ADCY5: variants seen among roughly 807,000 people sequenced by gnomAD.
The protein encoded by ADCY5 is adenylate cyclase 5, also known as adenylate cyclase type 5.
A neutral mutation model predicts 119.7 loss-of-function variants in ADCY5; 30 were observed. The observed-to-expected ratio is 0.25, with a 90% CI of 0.19 to 0.34. The LOEUF is 0.34. Ranked by LOEUF, ADCY5 falls within the 10% of genes least tolerant of loss-of-function variation. ADCY5 has a pLI of 1.00. For missense variants in ADCY5, 1,324 were observed against 1,775.2 expected (o/e 0.75, Z 4.57); for synonymous variants, 753 against 762.2 (o/e 0.99, Z 0.20).
In ADCY5 at chr3:123,403,868, G is replaced by A. The variant is rs572864723; in HGVS notation, c.1134+43544C>T. Among the ~76,000 whole-genome samples, 18 of 152,206 alleles carry A rather than the reference G, an allele frequency of 1.2e-4. No homozygotes were observed. In the South Asian group the frequency reaches 3.7e-3, roughly 32 times the overall value. On this transcript the variant is annotated intron_variant, in intron 1 of 20. Coordinates refer to ENST00000462833, the MANE Select transcript of ADCY5 (RefSeq NM_183357.3). ...TGGCTCTCAATCTCATCCCTCTCTG[G>A]AATCCATATCCATCCTCTGGACCTT... is the stretch of plus-strand genomic sequence containing the variant.
intron 1 of ADCY5, among the ~76,000 whole-genome samples, chr3:123,434,403 T>C (rs769295656): frequency 1.3e-5 from 2 of 152,110 alleles, no homozygotes; most frequent in Non-Finnish European, 2.9e-5. Flanking sequence ...CCCCAGTGTA[T>C]ACAGGAGAGA....
chr3:123,311,181 C>G (rs1219634818), intron 12 of ADCY5, among the ~76,000 whole-genome samples: 1 of 152,250 alleles, frequency 6.6e-6, no homozygotes, highest in East Asian at 1.9e-4. Flanking sequence ...CAAAGCCACT[C>G]TCCGTGACTT....
intron 1 of ADCY5, among the ~76,000 whole-genome samples, chr3:123,361,290 T>TTACTCTAGTGTAGCTTCCC (rs1943237075): frequency 6.6e-6 from 1 of 152,196 alleles, no homozygotes; most frequent in African/African-American, 2.4e-5. Flanking sequence ...AAGCCAAGTC[T>TTACTCTAGTGTAGCTTCCC]TACTCTAGTG....
In ADCY5 at chr3:123,286,949, C is replaced by T. The variant is rs1055966244; in HGVS notation, c.3533-140G>A. On this transcript the variant is annotated intron_variant, in intron 19 of 20. Transcript: ENST00000462833. The surrounding 1 kb of genome is among the most constrained non-coding windows in gnomAD (Gnocchi z 4.2). The stretch of plus-strand genomic sequence containing the variant: ...TTCCAGGCCCAAGGCTGTGCTAAAC[C>T]CTGCAGCCTCCCGCTACCCTGCTCC... 1.4e-4 allele frequency: 168 copies of T among 1,159,328 alleles called. No homozygotes were observed. The highest frequency in any genetic ancestry group is 2.0e-4 in the Non-Finnish European group (167 of 854,708). The allele number at this position is 1,159,328 out of a possible 1,614,324, so 71.8% of individuals were successfully genotyped here. A position where few individuals can be genotyped will look rare whatever the true frequency, so the allele number is the denominator to read the frequency against.
intron 1 of ADCY5, among the ~76,000 whole-genome samples, chr3:123,430,464 G>A (rs7429097): frequency 6.6e-6 from 1 of 152,146 alleles, no homozygotes; most frequent in African/African-American, 2.4e-5. Context: ...AAATCACCCC[G>A]AGGCCTCGGA....
chr3:123,354,139 T>C (rs1410810389), intron 1 of ADCY5, among the ~76,000 whole-genome samples: 1 of 152,214 alleles, frequency 6.6e-6, no homozygotes, highest in Non-Finnish European at 1.5e-5. Context: ...ACACATGGCA[T>C]AGGAAAAGCC....
intron 15 of ADCY5, among the ~76,000 whole-genome samples, chr3:123,297,977 T>C (rs1939623231): frequency 6.6e-6 from 1 of 152,180 alleles, no homozygotes; most frequent in Admixed American, 6.5e-5. Flanking sequence ...TATAAGAAAA[T>C]TTTAAATTAC....
chr3:123,381,745 C>T (rs1029728067), intron 1 of ADCY5, among the ~76,000 whole-genome samples: 3 of 152,250 alleles, frequency 2.0e-5, no homozygotes, highest in Non-Finnish European at 4.4e-5. Context: ...CTGAGAGCCA[C>T]TGCCAGCACT....
intron 1 of ADCY5, among the ~76,000 whole-genome samples, chr3:123,388,257 C>T (rs549101771): frequency 1.1e-4 from 16 of 152,150 alleles, no homozygotes; most frequent in East Asian, 1.9e-4. Context: ...GGAGGGGCCG[C>T]GGAGGTTGGA....
chr3:123,332,133 C>T (rs922214154), intron 4 of ADCY5, among the ~76,000 whole-genome samples: 7 of 152,218 alleles, frequency 4.6e-5, no homozygotes, highest in South Asian at 4.1e-4. Flanking sequence ...GGCACACAGC[C>T]GCCTGCAGGC....
intron 1 of ADCY5, among the ~76,000 whole-genome samples, chr3:123,396,051 AGGGAGGGAGGGT>A: frequency 5.1e-5 from 2 of 39,174 alleles, no homozygotes; most frequent in Non-Finnish European, 9.6e-5. Flanking sequence ...GGAGGGAGAG[AGGGAGGGAGGGT>A]GGGAGGGAGA....
chr3:123,285,998 G>GA (rs1005837135), intron 20 of ADCY5, among the ~76,000 whole-genome samples: 1 of 152,206 alleles, frequency 6.6e-6, no homozygotes, highest in African/African-American at 2.4e-5. Flanking sequence ...TTAGCACCTG[G>GA]AAAAACAGGC....
chr3:123,409,995 T>C (rs1659576455), intron 1 of ADCY5, among the ~76,000 whole-genome samples: 1 of 152,196 alleles, frequency 6.6e-6, no homozygotes, highest in Non-Finnish European at 1.5e-5. Context: ...AATCTCTTTT[T>C]CTACAGGTCC....
At chr3:123,392,704 C>CA (rs1249023160) in intron 1 of ADCY5, among the ~76,000 whole-genome samples, 2 of 152,126 alleles carry the variant, frequency 1.3e-5, no homozygotes, top group East Asian at 3.9e-4. Context: ...CTCCAACTTT[C>CA]TGTCTCTTTC....
At position 123,341,724 on chromosome 3, in the gene ADCY5, C is replaced by T. The variant is rs1047248328; in HGVS notation, c.1406+6058G>A. ...CCCTACTGACTCCACCAACAGGGCCCCCTGGGCTGTCAAGCTGCTGTTCCC... is the reference window on the plus strand; with the variant it reads ...CCCTACTGACTCCACCAACAGGGCCTCCTGGGCTGTCAAGCTGCTGTTCCC... On this transcript the variant is annotated intron_variant, in intron 3 of 20. Coordinates refer to ENST00000462833, the MANE Select transcript of ADCY5 (RefSeq NM_183357.3). 5.3e-5 allele frequency among the ~76,000 whole-genome samples: 8 copies of T among 151,948 alleles called. No homozygotes were observed. The East Asian group carries it at 1.6e-3, about 29-fold the overall frequency.
chr3:123,343,248 C>G (rs1440378193), intron 3 of ADCY5, among the ~76,000 whole-genome samples: 2 of 152,182 alleles, frequency 1.3e-5, no homozygotes, highest in Non-Finnish European at 1.5e-5. Context: ...TAATCCATGT[C>G]ACACTGCCCG....
intron 2 of ADCY5, among the ~76,000 whole-genome samples, chr3:123,351,444 A>C (rs1049706969): frequency 2.6e-5 from 4 of 152,188 alleles, no homozygotes; most frequent in African/African-American, 9.7e-5. Context: ...TGTTCATATC[A>C]GCCATGGGGG....
intron 1 of ADCY5, among the ~76,000 whole-genome samples, chr3:123,386,789 C>G (rs1005557840): frequency 6.6e-6 from 1 of 152,178 alleles, no homozygotes; most frequent in Non-Finnish European, 1.5e-5. Flanking sequence ...CGCCCCCGAC[C>G]CCACCCCGTT....
At chr3:123,423,392 T>TTTCCCGCATCCCCAGCTACAGC (rs1945340023) in intron 1 of ADCY5, among the ~76,000 whole-genome samples, 1 of 152,202 alleles carries the variant, frequency 6.6e-6, no homozygotes, top group African/African-American at 2.4e-5. Context: ...AGTTTCTCTT[T>TTTCCCGCATCCCCAGCTACAGC]TTCCCGCATC....
Sources: gnomAD v4.1 joint callset for allele counts (sites outside exome capture counted in the v4.1 genomes callset) on GRCh38, gnomAD v4.1.1 for gene constraint, Gnocchi (gnomAD v3.1) non-coding constraint, MANE v1.5 for transcripts, NCBI Gene and HGNC (gene_info 2026-07-23, HGNC 2026-07-21) for gene names.